MREG: variants seen among roughly 807,000 people sequenced by gnomAD.
MREG encodes dilute suppressor protein homolog.
In MREG, 31 loss-of-function variants were observed where a neutral mutation model predicts 28.5. The ratio of observed to expected loss-of-function variants is 1.09; its 90% confidence interval spans 0.82 to 1.47. The LOEUF (loss-of-function observed/expected upper bound fraction) is 1.47. MREG is among the 40% of genes most tolerant of loss of function. The pLI, the probability that MREG is intolerant of heterozygous loss-of-function variation, is 0.00. For missense variants in MREG, 256 were observed against 257.4 expected, an observed-to-expected ratio of 0.99 and a Z score of 0.04; for synonymous variants, 106 against 95.2, an observed-to-expected ratio of 1.11 and a Z score of -0.66.
intron 2 of MREG, among the ~76,000 whole-genome samples, chr2:215,992,711 CAA>C (rs1369487216): frequency 7.2e-5 from 11 of 152,204 alleles, no homozygotes; most frequent in African/African-American, 2.7e-4. Flanking sequence ...GCAACTTCAG[CAA>C]AGTCTCAGGA....
rs35179294 is a variant in MREG at position 216,005,842 on chromosome 2, TA to T, written c.95+7390del. ...AACACAAGTTTTTAAAAGATTTTTG[TA>T]AAAAAAAAAAAAAAAAAAGCTAAGT... On this transcript the variant is annotated intron_variant, in intron 1 of 4. Transcript: ENST00000263268. Among the ~76,000 whole-genome samples, 1,135 of 125,902 alleles carry T rather than the reference TA, an allele frequency of 9.0e-3. 7 individuals are homozygous for T. Among genetic ancestry groups the T allele is most frequent in the African/African-American group, 0.024 (854 of 35,870 alleles). The allele number at this position is 125,902 out of a possible 152,430, so 82.6% of individuals were successfully genotyped here. A position where few individuals can be genotyped will look rare whatever the true frequency, so the allele number is the denominator to read the frequency against.
At chr2:215,972,569 T>C (rs1235587705) in intron 2 of MREG, among the ~76,000 whole-genome samples, 2 of 147,412 alleles carry the variant, frequency 1.4e-5, no homozygotes, top group African/African-American at 5.1e-5. Flanking sequence ...TGAGCCGAGA[T>C]TGTGCCACTG....
At chr2:216,025,799 C>T (rs1376309709) in intron 1 of MREG, among the ~76,000 whole-genome samples, 1 of 152,252 alleles carries the variant, frequency 6.6e-6, no homozygotes. Context: ...GCAGCCACTG[C>T]TCGGCAATCC....
At chr2:215,957,473 C>T (rs1439683488) in intron 2 of MREG, among the ~76,000 whole-genome samples, 2 of 151,974 alleles carry the variant, frequency 1.3e-5, no homozygotes, top group Non-Finnish European at 2.9e-5. Flanking sequence ...CTTCATCTCT[C>T]AAGGAGTTTG....
chr2:215,983,128 T>C (rs3770543), intron 2 of MREG, among the ~76,000 whole-genome samples: 17,363 of 152,216 alleles, frequency 0.11, 1,302 homozygotes, highest in East Asian at 0.39. Flanking sequence ...CCCAAAATTA[T>C]CTAGAAAATC....
chr2:215,996,065 C>A (rs1005571239), intron 2 of MREG, among the ~76,000 whole-genome samples: 2 of 152,232 alleles, frequency 1.3e-5, no homozygotes, highest in South Asian at 2.1e-4. Context: ...CATTGCCTTG[C>A]GTGTAATTTG....
At chr2:215,997,876 A>G (rs1165116116) in intron 1 of MREG, among the ~76,000 whole-genome samples, 2 of 152,226 alleles carry the variant, frequency 1.3e-5, no homozygotes, top group African/African-American at 4.8e-5. Context: ...AGTTGGCACT[A>G]AGGAAATTTT....
chr2:215,977,146 A>G (rs1246663949), intron 2 of MREG, among the ~76,000 whole-genome samples: 1 of 152,260 alleles, frequency 6.6e-6, no homozygotes, highest in African/African-American at 2.4e-5. Flanking sequence ...TCTCACTTGC[A>G]GAGACACACA....
chr2:216,024,958 G>GAAAGGAAAGGAAAGGAAAAAGGAAAAGGA (rs1694573669), intron 1 of MREG, among the ~76,000 whole-genome samples: 1 of 142,890 alleles, frequency 7.0e-6, no homozygotes, highest in Non-Finnish European at 1.6e-5. Context: ...GAAGGGAAAG[G>GAAAGGAAAGGAAAGGAAAAAGGAAAAGGA]AAAGGAAAGG....
intron 1 of MREG, among the ~76,000 whole-genome samples, chr2:216,007,344 C>T (rs933313542): frequency 6.6e-6 from 1 of 152,150 alleles, no homozygotes; most frequent in Non-Finnish European, 1.5e-5. Context: ...AACACTCAGG[C>T]TTCTTGGTTC....
chr2:215,976,759 A>G (rs904054093), intron 2 of MREG, among the ~76,000 whole-genome samples: 15 of 152,208 alleles, frequency 9.9e-5, no homozygotes, highest in Non-Finnish European at 1.9e-4. Flanking sequence ...TCAACCCAGA[A>G]TTTCATATCC....
chr2:216,011,193 A>T (rs1694299773), intron 1 of MREG, among the ~76,000 whole-genome samples: 1 of 151,986 alleles, frequency 6.6e-6, no homozygotes, highest in African/African-American at 2.4e-5. Context: ...TAAATCAACT[A>T]AAAAAAAGTT....
At chr2:215,945,032 G>A in intron 4 of MREG, 35 bp from the exon 5 acceptor site, 2 of 1,539,112 alleles carry the variant, frequency 1.3e-6, no homozygotes, top group South Asian at 1.2e-5. Context: ...AAAACTGCTG[G>A]CAAGATAGGA....
At chr2:216,015,140 T>G (rs78804635), upstream of MREG, among the ~76,000 whole-genome samples, 12 of 151,614 alleles carry the variant, frequency 7.9e-5, no homozygotes, top group African/African-American at 2.7e-4. Context: ...CGCGCGTGCG[T>G]CTGTGCGTGC....
intron 2 of MREG, among the ~76,000 whole-genome samples, chr2:215,977,398 C>G (rs538006138): frequency 1.3e-5 from 2 of 152,320 alleles, no homozygotes; most frequent in South Asian, 4.1e-4. Flanking sequence ...TAGAGACCTA[C>G]AAAGAGACTT....
intron 1 of MREG, among the ~76,000 whole-genome samples, chr2:216,023,673 T>G (rs1364488861): frequency 1.3e-5 from 2 of 152,214 alleles, no homozygotes; most frequent in Admixed American, 1.3e-4. Context: ...TTTATTTCTC[T>G]GAGTGTGTGT....
At chr2:215,964,721 G>C (rs1366546911) in intron 2 of MREG, among the ~76,000 whole-genome samples, 3 of 152,136 alleles carry the variant, frequency 2.0e-5, no homozygotes, top group African/African-American at 7.2e-5. Flanking sequence ...TATTATGATT[G>C]AGTTATAAAA....
At position 215,968,745 on chromosome 2, in the gene MREG, T is replaced by A. The variant is rs182009524; in HGVS notation, c.256-21632A>T. On this transcript the variant is annotated intron_variant, in intron 2 of 4. Coordinates refer to ENST00000263268, the MANE Select transcript of MREG (RefSeq NM_018000.3). ...TAACTTAATTTTTTGCTAAACATAA[T>A]TAATCTGTCTCATTAGAACTTTTTC... Among the ~76,000 whole-genome samples the A allele has an allele frequency of 1.5e-3, 235 of 152,244 alleles. 1 individual carries two copies. Among genetic ancestry groups the A allele is most frequent in the African/African-American group, 5.5e-3 (230 of 41,534 alleles).
At chr2:216,023,353 G>A (rs1180221145) in intron 1 of MREG, among the ~76,000 whole-genome samples, 2 of 152,210 alleles carry the variant, frequency 1.3e-5, no homozygotes, top group East Asian at 3.8e-4. Context: ...TAGCCACAAT[G>A]CCTGTATGAA....
Sources: gnomAD v4.1 joint callset for allele counts (sites outside exome capture counted in the v4.1 genomes callset) on GRCh38, gnomAD v4.1.1 for gene constraint, MANE v1.5 for transcripts, NCBI Gene and HGNC (gene_info 2026-07-23, HGNC 2026-07-21) for gene names.